The following ANXA5 variants were observed in gnomAD, a reference collection of about 807,000 sequenced individuals.
ANXA5 encodes CBP-I.
Under a neutral mutation model 48.1 loss-of-function variants are expected in ANXA5, and 40 were observed. That is an observed-to-expected ratio of 0.83 (90% CI 0.65 to 1.08). The LOEUF is 1.08. ANXA5 is among the 50% of genes least tolerant of loss of function. The pLI, the probability that ANXA5 is intolerant of heterozygous loss-of-function variation, is 0.00. For synonymous variants in ANXA5, 113 were observed against 129.1 expected (o/e 0.88, Z 0.85); for missense variants, 357 against 376.8 (o/e 0.95, Z 0.44).
Position 121,681,692 on chromosome 4 carries a change from T to C in ANXA5, c.373A>G (p.Ile125Val), listed in dbSNP as rs1724795499. ...ASRTPEELRA[I>V]KQVYEEEYGS... Reference sequence around the variant, plus strand: ...TTACCTTCTTCATAAACTTGTTTGATGGCTCTCAGTTCTTCAGGTGTCCTT... The same window carrying C: ...TTACCTTCTTCATAAACTTGTTTGACGGCTCTCAGTTCTTCAGGTGTCCTT... The change falls in exon 6 of 13, where the codon ATC (isoleucine) becomes GTC (valine). Residue 125 changes from isoleucine (I) to valine (V), a missense_variant. Ile to Val is a conservative substitution (Grantham distance 29). Coordinates refer to ENST00000296511, the MANE Select transcript of ANXA5 (RefSeq NM_001154.4). 2 of 1,612,198 alleles carry C rather than the reference T, an allele frequency of 1.2e-6. No individual in the cohort carries two copies. Among genetic ancestry groups the C allele is most frequent in the Non-Finnish European group, 1.7e-6 (2 of 1,178,712 alleles).
Position 121,668,518 on chromosome 4 carries a change from A to G in ANXA5, c.913T>C (p.Ser305Pro). 6.2e-7 allele frequency: 1 copy of G among 1,613,384 alleles called. No homozygotes were observed. The highest frequency in any genetic ancestry group is 8.5e-7 in the Non-Finnish European group (1 of 1,179,504). The change falls in exon 13 of 13, where the codon TCT becomes CCT. Residue 305 changes from serine (S) to proline (P), a missense_variant. Transcript: ENST00000296511. ...SLYSMIKGDT[S>P]GDYKKALLLL... ...AGAAGAGCTTTCTTATAGTCCCCAG[A>G]TGTATCTCCCTGAAACCAAATGTAT...
chr4:121,673,837 G>A (rs973885068), intron 8 of ANXA5, among the ~76,000 whole-genome samples: 3 of 151,878 alleles, frequency 2.0e-5, no homozygotes, highest in East Asian at 1.9e-4. Context: ...CAAAAACAAC[G>A]CAAGTTCATT....
chr4:121,694,605 G>A (rs9995591), intron 2 of ANXA5, among the ~76,000 whole-genome samples: 16,117 of 152,034 alleles, frequency 0.11, 1,178 homozygotes, highest in African/African-American at 0.2. Flanking sequence ...GGCTGGTCTC[G>A]AACTCCTGAC....
chr4:121,689,740 C>T (rs905509491), intron 2 of ANXA5, among the ~76,000 whole-genome samples: 3 of 152,150 alleles, frequency 2.0e-5, no homozygotes, highest in Non-Finnish European at 2.9e-5. Context: ...CTGGAGGACA[C>T]TCAGGCAGGG....
chr4:121,685,608 T>A (rs1441505871), intron 3 of ANXA5, among the ~76,000 whole-genome samples: 1 of 152,086 alleles, frequency 6.6e-6, no homozygotes, highest in Non-Finnish European at 1.5e-5. Context: ...TGGAAGGACT[T>A]ACAGGGCCAG....
At chr4:121,682,708 T>C (rs1724813384) in intron 5 of ANXA5, among the ~76,000 whole-genome samples, 1 of 152,172 alleles carries the variant, frequency 6.6e-6, no homozygotes, top group Non-Finnish European at 1.5e-5. Context: ...CTGAGAAACA[T>C]TATTTCCTTG....
chr4:121,691,619 T>C (rs1724986304), intron 2 of ANXA5, among the ~76,000 whole-genome samples: 1 of 152,036 alleles, frequency 6.6e-6, no homozygotes, highest in Non-Finnish European at 1.5e-5. Context: ...GAGCAACTGC[T>C]AAGCCGCTAT....
At chr4:121,683,517 T>C (rs1239402296) in intron 4 of ANXA5, 40 bp from the exon 5 acceptor site, 3 of 1,162,232 alleles carry the variant, frequency 2.6e-6, no homozygotes, top group Non-Finnish European at 2.6e-6. Context: ...CCAGCAGAAA[T>C]TGTAATAAGA....
chr4:121,671,809 T>C (rs1001021176), intron 9 of ANXA5, among the ~76,000 whole-genome samples, 167 bp from the exon 10 acceptor site: 3 of 152,152 alleles, frequency 2.0e-5, no homozygotes, highest in African/African-American at 4.8e-5. Context: ...AAGCAATGGA[T>C]TGTAAATATA....
intron 6 of ANXA5, among the ~76,000 whole-genome samples, chr4:121,679,892 AG>A (rs1361167325): frequency 1.3e-5 from 2 of 152,156 alleles, no homozygotes; most frequent in Non-Finnish European, 1.5e-5. Flanking sequence ...GTGTGTGGTG[AG>A]GACATTTAAA....
chr4:121,679,216 G>A (rs1724750018), intron 6 of ANXA5, among the ~76,000 whole-genome samples: 1 of 152,174 alleles, frequency 6.6e-6, no homozygotes, highest in Non-Finnish European at 1.5e-5. Flanking sequence ...AGAGTTACAT[G>A]TTTATTTCAA....
At position 121,684,790 on chromosome 4, in the gene ANXA5, A is replaced by G. The variant is rs751637939; in HGVS notation, c.95-19T>C. 1 of 1,610,662 alleles carries G rather than the reference A, an allele frequency of 6.2e-7. No homozygotes were observed. The highest frequency in any genetic ancestry group is 1.7e-5 in the Admixed American group (1 of 59,838). Reference sequence around the variant, plus strand: ...TCTGTGCCTGCAATTTATGGTTAACAATTACATTTTGGCTCCTACATGCAT... The same window carrying G: ...TCTGTGCCTGCAATTTATGGTTAACGATTACATTTTGGCTCCTACATGCAT... On this transcript the variant is annotated intron_variant, in intron 3 of 12. Coordinates refer to ENST00000296511, the MANE Select transcript of ANXA5 (RefSeq NM_001154.4).
chr4:121,692,317 T>G (rs1578449826), intron 2 of ANXA5, among the ~76,000 whole-genome samples: 1 of 152,226 alleles, frequency 6.6e-6, no homozygotes, highest in East Asian at 1.9e-4. Context: ...TAATGCTCTG[T>G]GTTTAATGTT....
chr4:121,694,111 GGGGGGA>G (rs754399060), intron 2 of ANXA5, among the ~76,000 whole-genome samples: 16,561 of 70,976 alleles, frequency 0.23, 2,162 homozygotes, highest in African/African-American at 0.36. Context: ...GCGGGGGGGA[GGGGGGA>G]GGGATAGCAT....
chr4:121,678,203 T>C, intron 7 of ANXA5: 2 of 610,004 alleles, frequency 3.3e-6, no homozygotes, highest in Non-Finnish European at 5.8e-6. Context: ...GATACTACTA[T>C]CTAAAACATG....
intron 2 of ANXA5, among the ~76,000 whole-genome samples, chr4:121,695,219 A>C (rs1040608331): frequency 5.3e-5 from 8 of 152,250 alleles, no homozygotes; most frequent in Admixed American, 5.2e-4. Context: ...GAAGAACTTA[A>C]ACCAAACTTT....
intron 7 of ANXA5, 42 bp downstream of exon 7, chr4:121,678,373 T>A (rs1473784792): frequency 6.5e-7 from 1 of 1,548,272 alleles, no homozygotes; most frequent in Admixed American, 1.7e-5. Flanking sequence ...CAGTCCAACT[T>A]CAGGCTTTTT....
intron 2 of ANXA5, among the ~76,000 whole-genome samples, chr4:121,691,875 A>T (rs1724990647): frequency 6.6e-6 from 1 of 152,228 alleles, no homozygotes; most frequent in African/African-American, 2.4e-5. Flanking sequence ...GGGAAATGTC[A>T]GTGTGACCTG....
chr4:121,695,893 C>A (rs1725071174), intron 2 of ANXA5, among the ~76,000 whole-genome samples: 1 of 149,830 alleles, frequency 6.7e-6, no homozygotes, highest in African/African-American at 2.5e-5. Flanking sequence ...CAGAGTGAGA[C>A]TCCGTCTCAA....
Sources: gnomAD v4.1 joint callset for allele counts (sites outside exome capture counted in the v4.1 genomes callset) on GRCh38, gnomAD v4.1.1 for gene constraint, MANE v1.5 for transcripts, NCBI Gene and HGNC (gene_info 2026-07-23, HGNC 2026-07-21) for gene names.